FAM186A: variants seen among roughly 807,000 people sequenced by gnomAD.
FAM186A encodes the protein protein FAM186A.
FAM186A carries 163 observed loss-of-function variants against 216.8 expected under a neutral mutation model. That is an observed-to-expected ratio of 0.75 (90% CI 0.66 to 0.86). FAM186A has a LOEUF of 0.86. Ranked by LOEUF, FAM186A falls within the 40% of genes least tolerant of loss-of-function variation. The pLI is 0.00. For missense variants in FAM186A, 2,184 were observed against 2,746.2 expected, an observed-to-expected ratio of 0.80 and a Z score of 4.58; for synonymous variants, 805 against 1,025.3, an observed-to-expected ratio of 0.79 and a Z score of 4.10.
Position 50,396,287 on chromosome 12 carries a change from AC to A in FAM186A, c.192+5del. On this transcript the variant is annotated splice_donor_5th_base_variant and intron_variant, in intron 1 of 7. Coordinates refer to ENST00000327337, the MANE Select transcript of FAM186A (RefSeq NM_001145475.3). Reference sequence around the variant, plus strand: ...GCAGTCTGTAAACTTCAGATTCACTACCTACCTCTCTGGCTCGATGGAGCTG... The same window carrying A: ...GCAGTCTGTAAACTTCAGATTCACTACTACCTCTCTGGCTCGATGGAGCTG... 1 of 1,520,840 alleles carries A rather than the reference AC, an allele frequency of 6.6e-7. No individual in the cohort carries two copies. Among genetic ancestry groups the A allele is most frequent in the South Asian group, 1.3e-5 (1 of 77,926 alleles). The allele number at this position is 1,520,840 out of a possible 1,614,324, so 94.2% of individuals were successfully genotyped here. A position where few individuals can be genotyped will look rare whatever the true frequency, so the allele number is the denominator to read the frequency against.
rs553842722 is a variant in FAM186A, at chr12:50,354,481, G to A, written c.2351C>T (p.Thr784Ile). ...TATTAAATTGTTAATTACTGGATCT[G>A]TGCTCTCATATGAGAGGAGGGTACT... is the stretch of plus-strand genomic sequence containing the variant. ...ESSTLLSYES[T>I]DPVINNLIQM... The change falls in exon 4 of 8, where the codon ACA (threonine) becomes ATA (isoleucine). Residue 784 changes from threonine (T) to isoleucine (I), a missense_variant. Thr to Ile is a moderately conservative substitution (Grantham distance 89). Around this residue, in one of 7 missense-constraint regions of FAM186A, gnomAD observed 1,132 missense variants for 1,263.4 expected, o/e 0.90. Coordinates refer to ENST00000327337, the MANE Select transcript of FAM186A (RefSeq NM_001145475.3). 1 of 1,551,570 alleles carries A rather than the reference G, an allele frequency of 6.4e-7. No homozygotes were observed. Among genetic ancestry groups the A allele is most frequent in the South Asian group, 1.2e-5 (1 of 84,058 alleles).
At chr12:50,382,453 A>C (rs1943262316) in intron 1 of FAM186A, among the ~76,000 whole-genome samples, 2 of 152,046 alleles carry the variant, frequency 1.3e-5, no homozygotes, top group Admixed American at 1.3e-4. Flanking sequence ...TAATATCAGC[A>C]CTTTGGGAGG....
intron 4 of FAM186A, among the ~76,000 whole-genome samples, chr12:50,341,860 A>T (rs1307728728): frequency 6.6e-6 from 1 of 151,974 alleles, no homozygotes; most frequent in African/African-American, 2.4e-5. Context: ...ATTGAGAGAA[A>T]GCTGTCAAAG....
intron 4 of FAM186A, among the ~76,000 whole-genome samples, chr12:50,341,457 C>G (rs1200247196): frequency 6.6e-6 from 1 of 152,150 alleles, no homozygotes; most frequent in Admixed American, 6.5e-5. Flanking sequence ...TGTATAAAGT[C>G]ATATTTTTAA....
intron 1 of FAM186A, among the ~76,000 whole-genome samples, chr12:50,377,520 C>T (rs533033597): frequency 7.2e-5 from 11 of 152,126 alleles, no homozygotes; most frequent in South Asian, 6.2e-4. Flanking sequence ...GATATGATAA[C>T]GAAGGCACAA....
At chr12:50,347,904 G>GT (rs1183078939) in intron 4 of FAM186A, among the ~76,000 whole-genome samples, 3 of 151,804 alleles carry the variant, frequency 2.0e-5, no homozygotes, top group Admixed American at 6.6e-5. Flanking sequence ...CTTTTGTTTT[G>GT]TTTTTTTGTT....
chr12:50,393,327 C>T (rs1192864544), intron 1 of FAM186A, among the ~76,000 whole-genome samples: 2 of 152,028 alleles, frequency 1.3e-5, no homozygotes, highest in African/African-American at 4.8e-5. Flanking sequence ...CACCTGAGGT[C>T]AGGAGTTCAA....
intron 1 of FAM186A, among the ~76,000 whole-genome samples, chr12:50,373,915 TGATA>T (rs1943172583): frequency 6.6e-6 from 1 of 151,630 alleles, no homozygotes; most frequent in Non-Finnish European, 1.5e-5. Context: ...TGTCCAACAA[TGATA>T]GACTGGATTA....
At chr12:50,345,543 T>C (rs1007715254) in intron 4 of FAM186A, among the ~76,000 whole-genome samples, 1 of 152,248 alleles carries the variant, frequency 6.6e-6, no homozygotes, top group African/African-American at 2.4e-5. Flanking sequence ...AAGGTAGGGA[T>C]GCAATTTCAT....
chr12:50,394,248 T>G (rs1004573340), intron 1 of FAM186A, among the ~76,000 whole-genome samples: 2 of 152,072 alleles, frequency 1.3e-5, no homozygotes, highest in Non-Finnish European at 1.5e-5. Flanking sequence ...TTGTTTTTGT[T>G]TTTGTTTTTT....
At chr12:50,383,278 A>AAGAG (rs750922300) in intron 1 of FAM186A, among the ~76,000 whole-genome samples, 9,655 of 48,300 alleles carry the variant, frequency 0.2, 422 homozygotes, top group Middle Eastern at 0.33. Flanking sequence ...AAAAAAAAAA[A>AAGAG]AGAGAGAGAG....
At chr12:50,390,626 G>C (rs896089335) in intron 1 of FAM186A, among the ~76,000 whole-genome samples, 1 of 152,054 alleles carries the variant, frequency 6.6e-6, no homozygotes, top group Admixed American at 6.6e-5. Context: ...CCTTGCCTTT[G>C]GTGGTTGGGT....
chr12:50,384,969 C>A (rs11610442), intron 1 of FAM186A, among the ~76,000 whole-genome samples: 106,580 of 151,706 alleles, frequency 0.7, 43,952 homozygotes, highest in Non-Finnish European at 0.93. Flanking sequence ...CTATGCCCAG[C>A]TAATTTTTGT....
chr12:50,377,067 C>T (rs1187919771), intron 1 of FAM186A, among the ~76,000 whole-genome samples: 1 of 151,782 alleles, frequency 6.6e-6, no homozygotes, highest in African/African-American at 2.4e-5. Context: ...TTTAAAGATG[C>T]ACAATTTAAA....
intron 1 of FAM186A, among the ~76,000 whole-genome samples, chr12:50,389,512 C>T (rs1592637429): frequency 6.6e-6 from 1 of 152,012 alleles, no homozygotes; most frequent in Non-Finnish European, 1.5e-5. Context: ...AAAAAAGAAA[C>T]TTCCTTGGGC....
At chr12:50,346,255 A>AAGAAAGAAAGAAAGAAAGAAAGAG (rs1942815737) in intron 4 of FAM186A, among the ~76,000 whole-genome samples, 2 of 150,654 alleles carry the variant, frequency 1.3e-5, no homozygotes, top group Non-Finnish European at 3.0e-5. Context: ...GAAAGAAAGA[A>AAGAAAGAAAGAAAGAAAGAAAGAG]AGAAAGAAAG....
Position 50,356,264 on chromosome 12 carries a change from T to TA in FAM186A, c.584-17dup. 6.7e-7 allele frequency: 1 copy of TA among 1,503,198 alleles called. No individual in the cohort carries two copies. Among genetic ancestry groups the TA allele is most frequent in the Non-Finnish European group, 8.9e-7 (1 of 1,129,364 alleles). The allele number at this position is 1,503,198 out of a possible 1,614,324, so 93.1% of individuals were successfully genotyped here. A position where few individuals can be genotyped will look rare whatever the true frequency, so the allele number is the denominator to read the frequency against. ...CCTCTAGATACTGAAGAACAAAACA[T>TA]AAAACAGTGAGATGGCATTTTTTTC... On this transcript the variant is annotated splice_polypyrimidine_tract_variant and intron_variant, in intron 3 of 7. Coordinates refer to ENST00000327337, the MANE Select transcript of FAM186A (RefSeq NM_001145475.3).
At chr12:50,366,539 C>T (rs1040635888) in intron 1 of FAM186A, among the ~76,000 whole-genome samples, 12 of 149,234 alleles carry the variant, frequency 8.0e-5, no homozygotes, top group Non-Finnish European at 1.2e-4. Flanking sequence ...TTATACACCA[C>T]GATCAAGTGA....
At chr12:50,346,220 G>GAGAGAAGGACAGAAAGAAAGAAAGAAA in intron 4 of FAM186A, among the ~76,000 whole-genome samples, 1 of 46,728 alleles carries the variant, frequency 2.1e-5, no homozygotes, top group Admixed American at 3.1e-4. Context: ...AGAGAGAGAA[G>GAGAGAAGGACAGAAAGAAAGAAAGAAA]GAAAGAAAGA....
Sources: allele counts gnomAD v4.1 joint callset (sites outside exome capture counted in the v4.1 genomes callset), GRCh38; gene constraint gnomAD v4.1.1; regional missense constraint gnomAD v4.1.1; transcripts MANE v1.5; gene names NCBI Gene and HGNC (gene_info 2026-07-23, HGNC 2026-07-21).